SRCIN1: variants seen among roughly 807,000 people sequenced by gnomAD.
SRCIN1 encodes the protein P130Cas-associated protein.
A neutral mutation model predicts 116.2 loss-of-function variants in SRCIN1; 50 were observed. That is an observed-to-expected ratio of 0.43 (90% CI 0.34 to 0.54). The LOEUF (loss-of-function observed/expected upper bound fraction) is 0.54, where lower values mean the gene tolerates loss of function less well. Ranked by LOEUF, SRCIN1 falls within the 20% of genes least tolerant of loss-of-function variation. The pLI is 0.02. For missense variants in SRCIN1, 1,446 were observed against 1,672.0 expected, an observed-to-expected ratio of 0.86 and a Z score of 2.36; for synonymous variants, 736 against 750.0, an observed-to-expected ratio of 0.98 and a Z score of 0.30.
At position 38,563,615 on chromosome 17, in the gene SRCIN1, CGCA is replaced by C; in HGVS notation, c.542-97_542-95del. On this transcript the variant is annotated intron_variant, in intron 4 of 18. Coordinates refer to ENST00000617146, the MANE Select transcript of SRCIN1 (RefSeq NM_025248.3). The surrounding 1 kb of genome is among the most constrained non-coding windows in gnomAD (Gnocchi z 5.8). ...GAGCTTTTCGGAGCTGCGCCAGCCC[CGCA>C]GCGGCAGGGTCTGAGGCTAGACGCC... The C allele has an allele frequency of 6.7e-7, 1 of 1,493,282 alleles. No individual in the cohort carries two copies. The highest frequency in any genetic ancestry group is 9.0e-7 in the Non-Finnish European group (1 of 1,107,866). 92.5% of individuals were successfully genotyped at this position (1,493,282 alleles called of 1,614,324 possible).
At chr17:38,603,378 G>A (rs1175534494) in intron 1 of SRCIN1, among the ~76,000 whole-genome samples, 2 of 150,984 alleles carry the variant, frequency 1.3e-5, no homozygotes, top group Non-Finnish European at 3.0e-5. Context: ...GCAAGTAGAG[G>A]GGCAGGGGAA....
chr17:38,558,139 G>A lies in SRCIN1; in HGVS notation c.2201+88C>T. 2 of 1,451,732 alleles carry A rather than the reference G, an allele frequency of 1.4e-6. No individual in the cohort carries two copies. The highest frequency in any genetic ancestry group is 1.9e-6 in the Non-Finnish European group (2 of 1,056,740). 89.9% of individuals were successfully genotyped at this position (1,451,732 alleles called of 1,614,324 possible). On this transcript the variant is annotated intron_variant, in intron 11 of 18. Transcript: ENST00000617146. The surrounding 1 kb of genome is among the most constrained non-coding windows in gnomAD (Gnocchi z 4.6). ...ACCAACGCCACCTGTGACTCAGAGGGAAGGGAGCTGCGCCTCCCAGGGAAA... is the reference window on the plus strand; with the variant it reads ...ACCAACGCCACCTGTGACTCAGAGGAAAGGGAGCTGCGCCTCCCAGGGAAA...
At chr17:38,545,809 G>A (rs543595435) in intron 17 of SRCIN1, among the ~76,000 whole-genome samples, 89 of 152,326 alleles carry the variant, frequency 5.8e-4, no homozygotes, top group African/African-American at 8.2e-4. Flanking sequence ...AGGTGGGGCC[G>A]GTGGAGGATG....
intron 17 of SRCIN1, 36 bp downstream of exon 17, chr17:38,548,521 G>A (rs762188948): frequency 2.5e-6 from 4 of 1,604,236 alleles, no homozygotes; most frequent in Non-Finnish European, 3.4e-6. Context: ...AGGGGGCCTG[G>A]CTGAGACCTT....
At chr17:38,597,774 G>C (rs1308036296) in intron 1 of SRCIN1, among the ~76,000 whole-genome samples, 1 of 152,154 alleles carries the variant, frequency 6.6e-6, no homozygotes, top group East Asian at 1.9e-4. Flanking sequence ...CCTCTGGGAA[G>C]TTCTGCCTAA....
intron 2 of SRCIN1, chr17:38,575,013 C>T (rs897820040): frequency 1.0e-5 from 4 of 400,346 alleles, no homozygotes; most frequent in East Asian, 3.6e-5. Flanking sequence ...TTAGGGGAAG[C>T]GGGCAGGAGC....
rs1489160921 is a variant in SRCIN1, at chr17:38,572,912, C to G, written c.325-4681G>C. 1 of 151,976 alleles carries G rather than the reference C, an allele frequency of 6.6e-6. No homozygotes were observed. The highest frequency in any genetic ancestry group is 1.8e-4 in the South Asian group (1 of 5,432). The allele number at this position is 151,976 out of a possible 1,614,324, so 9.4% of individuals were successfully genotyped here. A position where few individuals can be genotyped will look rare whatever the true frequency, so the allele number is the denominator to read the frequency against. On this transcript the variant is annotated intron_variant, in intron 2 of 18. Coordinates refer to ENST00000617146, the MANE Select transcript of SRCIN1 (RefSeq NM_025248.3). This position sits in a 1 kb window ranked among gnomAD's most constrained non-coding sequence, Gnocchi z 4.3. ...TGGCGCGGCGCTGCGCGCCGCCGTG[C>G]ACATCCCCTCTCGCGGCCCCCTCCC...
At chr17:38,586,552 G>C (rs1386778846) in intron 1 of SRCIN1, among the ~76,000 whole-genome samples, 3 of 152,212 alleles carry the variant, frequency 2.0e-5, no homozygotes, top group Admixed American at 2.0e-4. Context: ...CAGGGGTGGG[G>C]GTAAGAAGGG....
intron 2 of SRCIN1, among the ~76,000 whole-genome samples, chr17:38,577,562 A>G (rs1907495989): frequency 6.6e-6 from 1 of 152,168 alleles, no homozygotes; most frequent in African/African-American, 2.4e-5. Flanking sequence ...ACACACCCCC[A>G]GGCTTGACTG....
chr17:38,550,356 G>A (rs529897559), intron 15 of SRCIN1, among the ~76,000 whole-genome samples: 7 of 152,160 alleles, frequency 4.6e-5, no homozygotes, highest in South Asian at 2.1e-4. Flanking sequence ...TTAGCCGGGC[G>A]TGGTGCAGGC....
rs562973358 is a variant in SRCIN1 at position 38,599,860 on chromosome 17, C to T, written c.22+5824G>A. On this transcript the variant is annotated intron_variant, in intron 1 of 18. Coordinates refer to ENST00000617146, the MANE Select transcript of SRCIN1 (RefSeq NM_025248.3). ...GGGGAAACAGCTCTTCTAGGAATCG[C>T]CCCTCCAAGTCCTCATCCTCTGCAA... is the stretch of plus-strand genomic sequence containing the variant. Among the ~76,000 whole-genome samples, 16 of 152,298 alleles carry T rather than the reference C, an allele frequency of 1.1e-4. No individual in the cohort carries two copies. The South Asian group carries it at 1.7e-3, about 16-fold the overall frequency.
intron 1 of SRCIN1, among the ~76,000 whole-genome samples, chr17:38,586,198 T>C (rs1467600667): frequency 6.6e-6 from 1 of 152,138 alleles, no homozygotes; most frequent in Non-Finnish European, 1.5e-5. Context: ...GCAAGTTGTC[T>C]TCAAGGAATG....
At chr17:38,606,331 C>T (rs1909367508), upstream of SRCIN1, among the ~76,000 whole-genome samples, 1 of 151,802 alleles carries the variant, frequency 6.6e-6, no homozygotes, top group South Asian at 2.1e-4. The surrounding 1 kb of genome is among the most constrained non-coding windows in gnomAD (Gnocchi z 5.2). Flanking sequence ...GATGGAAAGG[C>T]TCTCGGGGCT....
At position 38,563,281 on chromosome 17, in the gene SRCIN1, G is replaced by C; in HGVS notation, c.740+42C>G. 1 of 1,549,318 alleles carries C rather than the reference G, an allele frequency of 6.5e-7. No individual in the cohort carries two copies. On this transcript the variant is annotated intron_variant, in intron 5 of 18. Transcript: ENST00000617146. This position sits in a 1 kb window ranked among gnomAD's most constrained non-coding sequence, Gnocchi z 5.8. ...GGGTCCAGCACCCTGCAGAGGAGGA[G>C]CGTGGGGAAGCCCACCCAAATCCCC...
rs1453892657 is a variant in SRCIN1 at position 38,551,138 on chromosome 17, C to A, written c.2962+17G>T. On this transcript the variant is annotated intron_variant, in intron 15 of 18. Coordinates refer to ENST00000617146, the MANE Select transcript of SRCIN1 (RefSeq NM_025248.3). ...CCCCCACGCTGGGCTCCTTACCAGC[C>A]CTACTACTCCCCATACCTGAGCCCC... 1 of 1,275,218 alleles carries A rather than the reference C, an allele frequency of 7.8e-7. No individual in the cohort carries two copies. The highest frequency in any genetic ancestry group is 2.1e-5 in the Admixed American group (1 of 47,850). The allele number at this position is 1,275,218 out of a possible 1,614,324, so 79.0% of individuals were successfully genotyped here. A position where few individuals can be genotyped will look rare whatever the true frequency, so the allele number is the denominator to read the frequency against.
chr17:38,559,424 G>T, intron 10 of SRCIN1, 161 bp downstream of exon 10: 1 of 700,002 alleles, frequency 1.4e-6, no homozygotes. Flanking sequence ...GAAAGGGGAA[G>T]GGGAGAAAGG....
chr17:38,558,085 G>A lies in SRCIN1; in HGVS notation c.2201+142C>T, dbSNP rs1905921085. On this transcript the variant is annotated intron_variant, in intron 11 of 18. Transcript: ENST00000617146. The surrounding 1 kb of genome is among the most constrained non-coding windows in gnomAD (Gnocchi z 4.6). ...TGTGGGTCACAGTGAAATCAGGCCA[G>A]AGGAGAATGAAATCAGGCTTCAGAA... 2 of 910,858 alleles carry A rather than the reference G, an allele frequency of 2.2e-6. No homozygotes were observed. Among genetic ancestry groups the A allele is most frequent in the Non-Finnish European group, 3.3e-6 (2 of 611,922 alleles). The allele number at this position is 910,858 out of a possible 1,614,324, so 56.4% of individuals were successfully genotyped here.
chr17:38,548,597 T>C lies in SRCIN1; in HGVS notation c.3230A>G (p.Lys1077Arg). Residue 1077 changes from lysine (K) to arginine (R), a missense_variant, in exon 17 of 19, where the codon AAG becomes AGG. Around this residue, in one of 5 missense-constraint regions of SRCIN1, gnomAD observed 531 missense variants for 633.9 expected, o/e 0.84. Coordinates refer to ENST00000617146, the MANE Select transcript of SRCIN1 (RefSeq NM_025248.3). ...STPPIMASAI[K>R]DEDDEDRIIA... ...GATGCGATCCTCGTCATCCTCGTCC[T>C]TGATGGCCGAGGCCATGATGGGTGG... 1 of 1,613,048 alleles carries C rather than the reference T, an allele frequency of 6.2e-7. No homozygotes were observed.
At chr17:38,606,077 C>T (rs1909354196), upstream of SRCIN1, 1 of 149,770 alleles carries the variant, frequency 6.7e-6, no homozygotes, top group African/African-American at 2.4e-5. The surrounding 1 kb of genome is among the most constrained non-coding windows in gnomAD (Gnocchi z 5.2). Flanking sequence ...GGGGAGGGGG[C>T]ACTGCGCCTT....
Sources: allele counts gnomAD v4.1 joint callset (sites outside exome capture counted in the v4.1 genomes callset), GRCh38; gene constraint gnomAD v4.1.1; regional missense constraint gnomAD v4.1.1; non-coding constraint Gnocchi (gnomAD v3.1); transcripts MANE v1.5; gene names NCBI Gene and HGNC (gene_info 2026-07-23, HGNC 2026-07-21).